The following DNAH3 variants were observed in gnomAD, a reference collection of about 807,000 sequenced individuals.
DNAH3 encodes the protein axonemal beta dynein heavy chain 3.
A neutral mutation model predicts 432.5 loss-of-function variants in DNAH3; 332 were observed. The ratio of observed to expected loss-of-function variants is 0.77; its 90% CI spans 0.70 to 0.84. DNAH3 has a LOEUF of 0.84. DNAH3 is among the 40% of genes least tolerant of loss of function. The pLI, the probability that DNAH3 is intolerant of heterozygous loss-of-function variation, is 0.00. For missense variants in DNAH3, 4,861 were observed against 5,114.0 expected, an observed-to-expected ratio of 0.95 and a Z score of 1.51; for synonymous variants, 1,956 against 1,900.2, an observed-to-expected ratio of 1.03 and a Z score of -0.76.
chr16:20,988,115 A>T lies in DNAH3; in HGVS notation c.6602-50T>A. On this transcript the variant is annotated intron_variant, in intron 44 of 61. Transcript: ENST00000261383. ...ATCATCCTGGAAAACACATATTCTC[A>T]CACTGTCTGTGACCCTAGGATGCAC... The T allele has an allele frequency of 2.5e-6, 4 of 1,601,960 alleles. No homozygotes were observed. The East Asian group carries it at 8.9e-5, about 36-fold the overall frequency.
At position 20,991,636 on chromosome 16, in the gene DNAH3, C is replaced by T. The variant is rs550115299; in HGVS notation, c.6602-3571G>A. On this transcript the variant is annotated intron_variant, in intron 44 of 61. Coordinates refer to ENST00000261383, the Ensembl canonical transcript of DNAH3. ...CCATTCCTTTCTTACGTGTCTTATC[C>T]GTTGAAGATCTGGGCTGTTTGACTT... 5.3e-5 allele frequency among the ~76,000 whole-genome samples: 8 copies of T among 152,120 alleles called. 1 individual carries two copies. The South Asian group carries it at 1.2e-3, about 24-fold the overall frequency.
chr16:21,078,946 T>A (rs1243305504), intron 20 of DNAH3, among the ~76,000 whole-genome samples: 1 of 152,140 alleles, frequency 6.6e-6, no homozygotes, highest in Admixed American at 6.5e-5. Flanking sequence ...TAATCCTAAC[T>A]CTAATCACCT....
intron 2 of DNAH3, 109 bp downstream of exon 3, chr16:21,145,875 C>A: frequency 1.4e-6 from 1 of 739,234 alleles, no homozygotes. Context: ...CTTGTCAGGT[C>A]TGTTTGACTC....
rs1159615421 is a variant in DNAH3, at chr16:20,998,763, A to AGG, written c.6422-1303_6422-1302dup. ...TCTCAAAAAAAAAAAAAAAAAAAAA[A>AGG]GGGGGGGGCTCCTTTAGTTTTTCTT... On this transcript the variant is annotated intron_variant, in intron 43 of 61. Coordinates refer to ENST00000261383, the Ensembl canonical transcript of DNAH3. 1.8e-3 allele frequency among the ~76,000 whole-genome samples: 189 copies of AGG among 103,414 alleles called. 4 individuals are homozygous for AGG. The South Asian group carries it at 0.025, about 14-fold the overall frequency. 67.8% of individuals were successfully genotyped at this position (103,414 alleles called of 152,430 possible).
At chr16:21,048,361 C>A (rs1281385990) in intron 31 of DNAH3, among the ~76,000 whole-genome samples, 5 of 152,218 alleles carry the variant, frequency 3.3e-5, no homozygotes, top group Admixed American at 2.6e-4. Context: ...GAGCCAGGTG[C>A]AGGATATAAT....
At chr16:20,946,185 A>C (rs954645883) in intron 57 of DNAH3, among the ~76,000 whole-genome samples, 15 of 152,130 alleles carry the variant, frequency 9.9e-5, no homozygotes, top group African/African-American at 3.6e-4. Context: ...TTTACAATCT[A>C]TTCTCTCTGA....
At chr16:21,021,914 A>AG in intron 40 of DNAH3, 57 bp downstream of exon 40, 4 of 1,579,950 alleles carry the variant, frequency 2.5e-6, no homozygotes, top group Non-Finnish European at 3.4e-6. Context: ...AAAAAAAAAG[A>AG]AATAGCCAAG....
At chr16:20,964,579 G>A (rs1207386733) in exon 53 of DNAH3, 1 of 1,614,146 alleles carries the variant, frequency 6.2e-7, no homozygotes, top group East Asian at 2.2e-5. Context: ...CTTGATGACA[G>A]CCAGTTTATT....
At chr16:21,112,647 G>T (rs2092102591) in intron 12 of DNAH3, among the ~76,000 whole-genome samples, 1 of 152,112 alleles carries the variant, frequency 6.6e-6, no homozygotes, top group Non-Finnish European at 1.5e-5. Flanking sequence ...AATTCTAGGA[G>T]ATACAATTCA....
In DNAH3 at chr16:21,006,455, TCA is replaced by T. The variant is rs1009534590; in HGVS notation, c.6023-3250_6023-3249del. ...CATGTACATGTAAATATATTAATAT[TCA>T]CAGAGTTGTGAAACCATTACCACAA... On this transcript the variant is annotated intron_variant, in intron 41 of 61. Transcript: ENST00000261383. 1.1e-4 allele frequency among the ~76,000 whole-genome samples: 17 copies of T among 152,308 alleles called. No homozygotes were observed. The East Asian group carries it at 2.9e-3, about 26-fold the overall frequency.
At position 21,150,465 on chromosome 16, in the gene DNAH3, G is replaced by T; in HGVS notation, c.118-4377C>A. 2.7e-6 allele frequency: 1 copy of T among 366,306 alleles called. No individual in the cohort carries two copies. Among genetic ancestry groups the T allele is most frequent in the Non-Finnish European group, 5.3e-6 (1 of 188,472 alleles). 22.7% of individuals were successfully genotyped at this position (366,306 alleles called of 1,614,324 possible). A position where few individuals can be genotyped will look rare whatever the true frequency, so the allele number is the denominator to read the frequency against. On this transcript the variant is annotated intron_variant, in intron 1 of 61. In the 5' UTR this introduces an upstream ATG that the reference lacks. Transcript: ENST00000261383. The stretch of plus-strand genomic sequence containing the variant: ...ATGACACCAACAATGGAACTTTCCA[G>T]ATGTTCTGAAAGCTCTGTTCATGAG...
At chr16:20,952,595 A>C (rs1047921975) in intron 55 of DNAH3, 46 bp from the exon 56 acceptor site, 2 of 1,239,946 alleles carry the variant, frequency 1.6e-6, no homozygotes, top group Non-Finnish European at 2.4e-6. Context: ...GAGAGCTCTT[A>C]ATTTCCACTC....
chr16:20,980,359 TAA>T (rs1046666210), intron 49 of DNAH3, among the ~76,000 whole-genome samples: 2 of 133,808 alleles, frequency 1.5e-5, no homozygotes, highest in Admixed American at 8.2e-5. Context: ...TATTTATATA[TAA>T]ATATATATAT....
intron 9 of DNAH3, 49 bp downstream of exon 10, chr16:21,125,126 T>C (rs760191030): frequency 6.8e-7 from 1 of 1,477,056 alleles, no homozygotes; most frequent in Non-Finnish European, 9.1e-7. Flanking sequence ...TCTAACCAAG[T>C]AACCAGGTTA....
At position 21,101,842 on chromosome 16, in the gene DNAH3, GGGCCC is replaced by G. The variant is rs1346435631; in HGVS notation, c.2366+2624_2366+2628del. 5.9e-5 allele frequency among the ~76,000 whole-genome samples: 9 copies of G among 152,346 alleles called. No individual in the cohort carries two copies. In the East Asian group the frequency reaches 1.3e-3, roughly 23 times the overall value. On this transcript the variant is annotated intron_variant, in intron 16 of 61. Coordinates refer to ENST00000261383, the Ensembl canonical transcript of DNAH3. Reference sequence around the variant, plus strand: ...CACCTCCTGCAGGGCTCTGTGGACAGGGCCCAGCCCGGATCCAACAGACAAGAGAA... The same window carrying G: ...CACCTCCTGCAGGGCTCTGTGGACAGAGCCCGGATCCAACAGACAAGAGAA...
chr16:21,109,207 C>T (rs1207886650), intron 14 of DNAH3, among the ~76,000 whole-genome samples: 2 of 151,980 alleles, frequency 1.3e-5, no homozygotes, highest in Admixed American at 6.6e-5. Flanking sequence ...ATTCTGGCTC[C>T]AAAACCAAGA....
chr16:20,987,919 A>C, intron 45 of DNAH3, 23 bp downstream of exon 45: 1 of 1,614,210 alleles, frequency 6.2e-7, no homozygotes. Context: ...CCCACTATCC[A>C]GGAAGACAGA....
intron 36 of DNAH3, among the ~76,000 whole-genome samples, chr16:21,032,591 T>C (rs936896644): frequency 2.0e-5 from 3 of 151,996 alleles, no homozygotes; most frequent in Non-Finnish European, 2.9e-5. Flanking sequence ...GGCAGGAGGA[T>C]TGCTTGAGCT....
rs193201872 is a variant in DNAH3, at chr16:21,122,003, C to T, written c.1526G>A (p.Trp509Ter). 1.2e-6 allele frequency: 2 copies of T among 1,613,644 alleles called. No individual in the cohort carries two copies. Among genetic ancestry groups the T allele is most frequent in the Non-Finnish European group, 1.7e-6 (2 of 1,179,868 alleles). The change falls in exon 10 of 62, where the codon TGG (tryptophan) becomes TAG (stop). Residue 509 changes from tryptophan to a stop codon, truncating the protein, a stop_gained. Coordinates refer to ENST00000261383, the Ensembl canonical transcript of DNAH3. LOFTEE classifies it high-confidence loss of function. Reference sequence around the variant, plus strand: ...CAGGAAAGAGTCACGTATTAATTCCCAGCAGCCATCAAAAGATGGATTGAA... The same window carrying T: ...CAGGAAAGAGTCACGTATTAATTCCTAGCAGCCATCAAAAGATGGATTGAA...
Sources: gnomAD v4.1 joint callset for allele counts (sites outside exome capture counted in the v4.1 genomes callset) on GRCh38, gnomAD v4.1.1 for gene constraint, MANE v1.5 for transcripts, NCBI Gene and HGNC (gene_info 2026-07-23, HGNC 2026-07-21) for gene names.